Variants in CDYL2 observed in about 807,000 individuals in gnomAD.
CDYL2 encodes chromodomain Y like 2.
In CDYL2, 23 loss-of-function variants were observed where a neutral mutation model predicts 49.4. The ratio of observed to expected loss-of-function variants is 0.47; its 90% confidence interval spans 0.34 to 0.66. CDYL2 has a LOEUF of 0.66. Ranked by LOEUF, CDYL2 falls within the 30% of genes least tolerant of loss-of-function variation. The pLI is 0.01. For missense variants in CDYL2, 678 were observed against 656.4 expected, an observed-to-expected ratio of 1.03 and a Z score of -0.36; for synonymous variants, 360 against 268.8, an observed-to-expected ratio of 1.34 and a Z score of -3.32.
At chr16:80,642,712 A>G (rs1013569625) in intron 2 of CDYL2, among the ~76,000 whole-genome samples, 1 of 152,186 alleles carries the variant, frequency 6.6e-6, no homozygotes, top group Non-Finnish European at 1.5e-5. Context: ...AATAAGGAAG[A>G]TGCAAAAGTG....
At chr16:80,783,441 G>T (rs1011105424) in intron 1 of CDYL2, among the ~76,000 whole-genome samples, 1 of 152,116 alleles carries the variant, frequency 6.6e-6, no homozygotes, top group African/African-American at 2.4e-5. Flanking sequence ...TGGTTTGGAA[G>T]TTTCTCAAAA....
chr16:80,695,153 G>C (rs1432676353), intron 1 of CDYL2, among the ~76,000 whole-genome samples: 2 of 152,178 alleles, frequency 1.3e-5, no homozygotes, highest in African/African-American at 2.4e-5. Context: ...AAGTTTTATT[G>C]GTACACACCC....
intron 5 of CDYL2, among the ~76,000 whole-genome samples, chr16:80,609,225 A>G (rs1906485033): frequency 6.6e-6 from 1 of 152,238 alleles, no homozygotes; most frequent in Admixed American, 6.5e-5. Context: ...ATGAGCTGCA[A>G]CTGACAGACA....
chr16:80,613,067 C>T (rs947069526), intron 4 of CDYL2, among the ~76,000 whole-genome samples: 3 of 152,042 alleles, frequency 2.0e-5, no homozygotes, highest in Admixed American at 6.5e-5. Flanking sequence ...CAGTTCATGC[C>T]CCATGTCCTA....
rs375092370 is a variant in CDYL2 at position 80,677,800 on chromosome 16, C to T, written c.616+6738G>A. On this transcript the variant is annotated intron_variant, in intron 2 of 6. Transcript: ENST00000570137. Reference sequence around the variant, plus strand: ...ATAACCAAAAAAGAGCCCACATTGCCAAGTCAATCCTAAGCCAAAAGAACA... The same window carrying T: ...ATAACCAAAAAAGAGCCCACATTGCTAAGTCAATCCTAAGCCAAAAGAACA... Among the ~76,000 whole-genome samples, 738 of 151,404 alleles carry T rather than the reference C, an allele frequency of 4.9e-3. 9 individuals carry two copies. The highest frequency in any genetic ancestry group is 0.034 in the South Asian group (161 of 4,730).
intron 2 of CDYL2, among the ~76,000 whole-genome samples, chr16:80,680,134 A>G (rs971596916): frequency 1.3e-5 from 2 of 152,218 alleles, no homozygotes; most frequent in African/African-American, 4.8e-5. Flanking sequence ...TCTAGAAGTG[A>G]AAGCTGAGAC....
chr16:80,804,727 G>A (rs1374783468), upstream of CDYL2, among the ~76,000 whole-genome samples: 1 of 149,408 alleles, frequency 6.7e-6, no homozygotes, highest in Non-Finnish European at 1.5e-5. Context: ...CGCCACCCCG[G>A]GCCGGCTTCG....
chr16:80,755,739 C>G (rs1241077521), intron 1 of CDYL2, among the ~76,000 whole-genome samples: 1 of 151,968 alleles, frequency 6.6e-6, no homozygotes, highest in African/African-American at 2.4e-5. Flanking sequence ...AAAAGTAGAC[C>G]CTAACTTAAA....
intron 4 of CDYL2, among the ~76,000 whole-genome samples, chr16:80,617,626 G>T (rs1373332809): frequency 3.3e-5 from 5 of 152,122 alleles, no homozygotes; most frequent in African/African-American, 4.8e-5. Flanking sequence ...CCTTAAAAGA[G>T]TTTGGTGCTG....
At chr16:80,623,689 G>A (rs1292400214) in intron 3 of CDYL2, among the ~76,000 whole-genome samples, 4 of 152,296 alleles carry the variant, frequency 2.6e-5, no homozygotes, top group Admixed American at 1.3e-4. Flanking sequence ...ACTTGTTGAA[G>A]CTCCATTTTA....
chr16:80,647,558 G>C (rs1597147272), intron 2 of CDYL2, among the ~76,000 whole-genome samples: 1 of 152,028 alleles, frequency 6.6e-6, no homozygotes. Context: ...AATATTATTA[G>C]AGCTAAAGAG....
chr16:80,720,756 C>T (rs1904970506), intron 1 of CDYL2, among the ~76,000 whole-genome samples: 1 of 152,140 alleles, frequency 6.6e-6, no homozygotes, highest in Non-Finnish European at 1.5e-5. Flanking sequence ...CATTCAGCAG[C>T]ATTAGTGAGT....
At chr16:80,680,020 G>A (rs554205388) in intron 2 of CDYL2, among the ~76,000 whole-genome samples, 8 of 152,284 alleles carry the variant, frequency 5.3e-5, no homozygotes, top group South Asian at 4.2e-4. Flanking sequence ...CATTGCTTGC[G>A]CTTAGTTTCC....
rs1908649256 is a variant in CDYL2, at chr16:80,652,976, T to C, written c.617-19740A>G. Among the ~76,000 whole-genome samples the C allele has an allele frequency of 2.0e-5, 3 of 152,228 alleles. No individual in the cohort carries two copies. In the South Asian group the frequency reaches 6.2e-4, roughly 31 times the overall value. On this transcript the variant is annotated intron_variant, in intron 2 of 6. Coordinates refer to ENST00000570137, the MANE Select transcript of CDYL2 (RefSeq NM_152342.4). The stretch of plus-strand genomic sequence containing the variant: ...TCTGAATATTCCCTGAATGGGACTC[T>C]GGAACAGACACTAGGTGAAACCTAA...
At chr16:80,668,981 A>ATTTG (rs1249572982) in intron 2 of CDYL2, among the ~76,000 whole-genome samples, 10 of 152,106 alleles carry the variant, frequency 6.6e-5, no homozygotes, top group Non-Finnish European at 1.5e-4. Context: ...CAACTCACCT[A>ATTTG]TTTGTAACTT....
chr16:80,787,406 C>T (rs1279618293), intron 1 of CDYL2, among the ~76,000 whole-genome samples: 1 of 152,192 alleles, frequency 6.6e-6, no homozygotes, highest in Non-Finnish European at 1.5e-5. Flanking sequence ...CAAAGCAAAG[C>T]ACTCCCTTCC....
intron 1 of CDYL2, among the ~76,000 whole-genome samples, chr16:80,748,793 C>T (rs575522475): frequency 4.6e-5 from 7 of 152,090 alleles, no homozygotes; most frequent in Non-Finnish European, 7.4e-5. Context: ...TGTCCTTGAG[C>T]TGCCCTTGTC....
chr16:80,767,465 C>G (rs1906764818), intron 1 of CDYL2, among the ~76,000 whole-genome samples: 1 of 152,140 alleles, frequency 6.6e-6, no homozygotes, highest in African/African-American at 2.4e-5. Context: ...ATGAGGCTTT[C>G]ACTGCACACA....
At chr16:80,662,654 A>T in intron 2 of CDYL2, 5 of 441,954 alleles carry the variant, frequency 1.1e-5, no homozygotes, top group Non-Finnish European at 1.8e-5. Flanking sequence ...AATGTTCAAT[A>T]TCTGCATTGT....
Sources: gnomAD v4.1 joint callset for allele counts (sites outside exome capture counted in the v4.1 genomes callset) on GRCh38, gnomAD v4.1.1 for gene constraint, MANE v1.5 for transcripts, NCBI Gene and HGNC (gene_info 2026-07-23, HGNC 2026-07-21) for gene names.